TNFSF4: variants seen among roughly 807,000 people sequenced by gnomAD.
TNFSF4 encodes the protein TNF superfamily member 4.
Under a neutral mutation model 7.3 loss-of-function variants are expected in TNFSF4, and 4 were observed. That is an observed-to-expected ratio of 0.55 (90% CI 0.27 to 1.25). The LOEUF is 1.25. TNFSF4 is among the 50% of genes most tolerant of loss of function. TNFSF4 has a pLI of 0.12. For missense variants in TNFSF4, 181 were observed against 208.8 expected (o/e 0.87, Z 0.82); for synonymous variants, 76 against 83.7 (o/e 0.91, Z 0.50).
the TNFSF4 span, among the ~76,000 whole-genome samples, chr1:173,266,837 T>C: frequency 6.6e-6 from 1 of 152,188 alleles, no homozygotes; most frequent in African/African-American, 2.4e-5. Context: ...ATTTGGGGGA[T>C]CCAGGAACTA....
chr1:173,432,431 G>C, the TNFSF4 span, among the ~76,000 whole-genome samples: 1 of 152,160 alleles, frequency 6.6e-6, no homozygotes, highest in Non-Finnish European at 1.5e-5. Context: ...AGTAGGACTG[G>C]TGACCTTATA....
chr1:173,345,628 T>G, the TNFSF4 span, among the ~76,000 whole-genome samples: 2 of 152,166 alleles, frequency 1.3e-5, no homozygotes, highest in African/African-American at 4.8e-5. Flanking sequence ...TCTGATCAGA[T>G]AGCAAGGGTA....
the TNFSF4 span, among the ~76,000 whole-genome samples, chr1:173,218,777 T>C: frequency 1.3e-5 from 2 of 152,218 alleles, no homozygotes; most frequent in Non-Finnish European, 1.5e-5. Flanking sequence ...ATTCATTTTC[T>C]TTTATTACTT....
the TNFSF4 span, among the ~76,000 whole-genome samples, chr1:173,364,225 G>GTATATATATATA: frequency 6.6e-3 from 951 of 143,564 alleles, 9 homozygotes; most frequent in East Asian, 0.019. Context: ...AGAAGACTAG[G>GTATATATATATA]TATATATATA....
the TNFSF4 span, among the ~76,000 whole-genome samples, chr1:173,336,975 G>A: frequency 9.2e-5 from 14 of 152,186 alleles, 1 homozygote; most frequent in South Asian, 2.9e-3. Context: ...TATTTACCAA[G>A]TGACTTAAAA....
the TNFSF4 span, among the ~76,000 whole-genome samples, chr1:173,218,651 C>T: frequency 6.6e-6 from 1 of 152,064 alleles, no homozygotes; most frequent in Non-Finnish European, 1.5e-5. Flanking sequence ...CATCGAAGCT[C>T]CTCTATAATG....
the TNFSF4 span, among the ~76,000 whole-genome samples, chr1:173,217,914 A>T: frequency 3.3e-5 from 5 of 151,584 alleles, no homozygotes; most frequent in Non-Finnish European, 7.4e-5. Flanking sequence ...TGTACAGCTA[A>T]TTTTTTTTAT....
chr1:173,445,532 T>C, the TNFSF4 span, among the ~76,000 whole-genome samples: 1 of 152,228 alleles, frequency 6.6e-6, no homozygotes, highest in African/African-American at 2.4e-5. Flanking sequence ...AAAATCCCAA[T>C]AGAAATTCTG....
At chr1:173,327,148 A>G in the TNFSF4 span, among the ~76,000 whole-genome samples, 1 of 152,190 alleles carries the variant, frequency 6.6e-6, no homozygotes, top group South Asian at 2.1e-4. Flanking sequence ...AAAACAGCAT[A>G]GTACTGGTAC....
chr1:173,379,242 T>C, the TNFSF4 span, among the ~76,000 whole-genome samples: 1 of 152,110 alleles, frequency 6.6e-6, no homozygotes, highest in East Asian at 1.9e-4. Context: ...CCGTCCCCAG[T>C]ATGGATCCCC....
the TNFSF4 span, among the ~76,000 whole-genome samples, chr1:173,243,150 GT>G: frequency 6.6e-6 from 1 of 152,010 alleles, no homozygotes; most frequent in African/African-American, 2.4e-5. Flanking sequence ...CAAGATGGTA[GT>G]TCCCCTTAAC....
At chr1:173,187,588 A>G (rs1649286258) in intron 2 of TNFSF4, among the ~76,000 whole-genome samples, 2 of 152,174 alleles carry the variant, frequency 1.3e-5, no homozygotes, top group Admixed American at 6.5e-5. Context: ...CTGCAGGTGG[A>G]AGAGCTCAAG....
intron 2 of TNFSF4, among the ~76,000 whole-genome samples, chr1:173,187,095 G>C (rs1160825444): frequency 6.6e-6 from 1 of 151,964 alleles, no homozygotes; most frequent in Non-Finnish European, 1.5e-5. Flanking sequence ...AGAGAGCACT[G>C]TGTTTCTACC....
the TNFSF4 span, among the ~76,000 whole-genome samples, chr1:173,378,645 G>T: frequency 6.6e-6 from 1 of 152,132 alleles, no homozygotes; most frequent in African/African-American, 2.4e-5. Context: ...TTTTCTGTAA[G>T]AGGGAAAGCA....
At chr1:173,334,834 T>C in the TNFSF4 span, among the ~76,000 whole-genome samples, 1 of 152,096 alleles carries the variant, frequency 6.6e-6, no homozygotes, top group Non-Finnish European at 1.5e-5. Flanking sequence ...GGGGACCCAC[T>C]CCCACCACCT....
At chr1:173,258,826 G>T in the TNFSF4 span, among the ~76,000 whole-genome samples, 1 of 152,136 alleles carries the variant, frequency 6.6e-6, no homozygotes, top group Non-Finnish European at 1.5e-5. Context: ...CCAGCCAGGG[G>T]GTTATGGACA....
At chr1:173,365,282 T>C in the TNFSF4 span, among the ~76,000 whole-genome samples, 2 of 152,240 alleles carry the variant, frequency 1.3e-5, no homozygotes, top group Non-Finnish European at 2.9e-5. Context: ...GGCTAGATGC[T>C]CTTTTAACAA....
the TNFSF4 span, among the ~76,000 whole-genome samples, chr1:173,253,527 A>G: frequency 6.6e-6 from 1 of 152,194 alleles, no homozygotes; most frequent in Non-Finnish European, 1.5e-5. Context: ...TTCAACCTTA[A>G]TAACACAGAC....
At chr1:173,356,025 C>G in the TNFSF4 span, among the ~76,000 whole-genome samples, 3 of 152,218 alleles carry the variant, frequency 2.0e-5, no homozygotes, top group East Asian at 5.8e-4. Flanking sequence ...CAACTTAGAT[C>G]AGCACCCCCA....
Sources: gnomAD v4.1 joint callset for allele counts (sites outside exome capture counted in the v4.1 genomes callset) on GRCh38, gnomAD v4.1.1 for gene constraint, MANE v1.5 for transcripts, NCBI Gene and HGNC (gene_info 2026-07-23, HGNC 2026-07-21) for gene names.